The following DGKD variants were observed in gnomAD, a reference collection of about 807,000 sequenced individuals.
DGKD encodes the protein diacylglycerol kinase delta, also known as DAG kinase delta.
In DGKD, 68 loss-of-function variants were observed where a neutral mutation model predicts 154.4. The ratio of observed to expected loss-of-function variants is 0.44; its 90% confidence interval spans 0.36 to 0.54. The LOEUF (loss-of-function observed/expected upper bound fraction) is 0.54. Among genes scored for constraint, DGKD ranks in the 20% least tolerant of loss-of-function variants. The pLI, the probability that DGKD is intolerant of heterozygous loss-of-function variation, is 0.00. For synonymous variants in DGKD, 693 were observed against 638.0 expected (o/e 1.09, Z -1.30); for missense variants, 1,343 against 1,593.6 (o/e 0.84, Z 2.68).
Position 233,448,384 on chromosome 2 carries a change from C to T in DGKD, c.1614+9C>T. ...AGGTCATGGCCAAGAAGGTCTGTTC[C>T]CGTGCCCTGGGTGGGAGGGGCATTG... On this transcript the variant is annotated intron_variant, in intron 14 of 29. Transcript: ENST00000264057. 1 of 1,612,160 alleles carries T rather than the reference C, an allele frequency of 6.2e-7. No homozygotes were observed. Among genetic ancestry groups the T allele is most frequent in the Non-Finnish European group, 8.5e-7 (1 of 1,178,674 alleles).
chr2:233,425,350 C>G (rs184457728), intron 3 of DGKD, among the ~76,000 whole-genome samples: 19 of 152,120 alleles, frequency 1.2e-4, no homozygotes, highest in Non-Finnish European at 2.6e-4. Flanking sequence ...CCACGCCTGG[C>G]TAATTTTTTT....
intron 3 of DGKD, chr2:233,392,242 C>T (rs558306118): frequency 6.6e-6 from 1 of 152,258 alleles, no homozygotes; most frequent in African/African-American, 2.4e-5. Flanking sequence ...CCAGGCTGGT[C>T]TCAAACTCCT....
At chr2:233,366,529 A>G (rs1027827514) in intron 1 of DGKD, among the ~76,000 whole-genome samples, 12 of 151,882 alleles carry the variant, frequency 7.9e-5, no homozygotes, top group African/African-American at 2.4e-4. Context: ...AGCTTTGGGG[A>G]TTTTGCTGTT....
rs1158558625 is a variant in DGKD at position 233,445,892 on chromosome 2, A to G, written c.1334+130A>G. 1.1e-5 allele frequency: 13 copies of G among 1,199,936 alleles called. No individual in the cohort carries two copies. 74.3% of individuals were successfully genotyped at this position (1,199,936 alleles called of 1,614,324 possible). ...AAATTATTTGTAAAGATTTGACCTG[A>G]GTATATATTCGGATAGTCTTTGATA... On this transcript the variant is annotated intron_variant, in intron 11 of 29. Coordinates refer to ENST00000264057, the MANE Select transcript of DGKD (RefSeq NM_152879.3). The surrounding 1 kb of genome is among the most constrained non-coding windows in gnomAD (Gnocchi z 5.5).
At chr2:233,379,225 C>G (rs772116094) in intron 1 of DGKD, among the ~76,000 whole-genome samples, 1 of 151,906 alleles carries the variant, frequency 6.6e-6, no homozygotes, top group Non-Finnish European at 1.5e-5. Flanking sequence ...GAAGACTTCC[C>G]GAAGGTGGTG....
At chr2:233,368,498 C>T (rs531986114) in intron 1 of DGKD, among the ~76,000 whole-genome samples, 4 of 152,092 alleles carry the variant, frequency 2.6e-5, no homozygotes, top group East Asian at 3.9e-4. Flanking sequence ...GGCGACAGAG[C>T]GAGACTCCAT....
intron 1 of DGKD, among the ~76,000 whole-genome samples, chr2:233,369,248 G>A (rs1702192242): frequency 1.3e-5 from 2 of 152,040 alleles, no homozygotes; most frequent in Admixed American, 1.3e-4. Context: ...CAGCATTCTG[G>A]GGGCCTCAGT....
intron 1 of DGKD, among the ~76,000 whole-genome samples, chr2:233,385,134 TC>T (rs1401515597): frequency 5.3e-5 from 8 of 152,276 alleles, no homozygotes; most frequent in Admixed American, 3.3e-4. Context: ...TTCTGGACTT[TC>T]CCTGCCTCCT....
chr2:233,360,984 GTTTTT>G (rs10580286), intron 1 of DGKD, among the ~76,000 whole-genome samples: 1 of 129,098 alleles, frequency 7.7e-6, no homozygotes, highest in African/African-American at 3.2e-5. Context: ...AGACAGTCAA[GTTTTT>G]TTTTTTTTTT....
chr2:233,418,494 C>G (rs866804946), intron 3 of DGKD, among the ~76,000 whole-genome samples: 9 of 152,180 alleles, frequency 5.9e-5, no homozygotes, highest in African/African-American at 2.2e-4. Context: ...TTAAGTAGAA[C>G]TTTCACTTTT....
At chr2:233,450,827 T>G in intron 16 of DGKD, 95 bp from the exon 17 acceptor site, 1 of 1,502,282 alleles carries the variant, frequency 6.7e-7, no homozygotes, top group South Asian at 1.3e-5. Context: ...CCCTCCCTCC[T>G]CAGCCCTCCC....
rs1553617629 is a variant in DGKD, at chr2:233,354,560, A to ACCG, written c.45_47dup (p.Pro21dup). ...GCGCCCCTCCGCCGGGTCCCCCGCA[A>ACCG]CCGCCTCCGCCGCCGCCGCCCGAGG... On this transcript the variant is annotated inframe_insertion, in exon 1 of 30. Transcript: ENST00000264057. This position sits in a 1 kb window ranked among gnomAD's most constrained non-coding sequence, Gnocchi z 4.8. The ACCG allele has an allele frequency of 3.8e-6, 4 of 1,049,768 alleles. No individual in the cohort carries two copies. The highest frequency in any genetic ancestry group is 1.7e-5 in the African/African-American group (1 of 57,214). 65.0% of individuals were successfully genotyped at this position (1,049,768 alleles called of 1,614,324 possible). A position where few individuals can be genotyped will look rare whatever the true frequency, so the allele number is the denominator to read the frequency against.
chr2:233,420,935 C>G (rs1575084959), intron 3 of DGKD, among the ~76,000 whole-genome samples: 1 of 152,188 alleles, frequency 6.6e-6, no homozygotes, highest in Non-Finnish European at 1.5e-5. Context: ...AAGAGTTTCT[C>G]TAGAATGTGT....
intron 2 of DGKD, chr2:233,388,724 T>G (rs1387397689): frequency 1.3e-5 from 2 of 157,640 alleles, no homozygotes; most frequent in Admixed American, 6.6e-5. Context: ...TTTTATTCTT[T>G]AAGTATATTG....
At chr2:233,435,730 G>C (rs1655113110) in intron 5 of DGKD, 88 bp from the exon 6 acceptor site, 1 of 1,255,584 alleles carries the variant, frequency 8.0e-7, no homozygotes, top group Admixed American at 2.8e-5. Context: ...GACTTTTCTG[G>C]AGCTGGACGG....
intron 1 of DGKD, among the ~76,000 whole-genome samples, chr2:233,381,543 A>G (rs1401092730): frequency 6.6e-6 from 1 of 152,210 alleles, no homozygotes; most frequent in African/African-American, 2.4e-5. Flanking sequence ...CACCACTTTC[A>G]AAATTGGTGT....
chr2:233,447,375 C>A, intron 12 of DGKD: 1 of 593,620 alleles, frequency 1.7e-6, no homozygotes, highest in Non-Finnish European at 2.1e-6. Flanking sequence ...TGGTGCAGTG[C>A]TGGGTGGGGT....
At chr2:233,426,462 G>A (rs1177351150) in intron 3 of DGKD, among the ~76,000 whole-genome samples, 2 of 152,044 alleles carry the variant, frequency 1.3e-5, no homozygotes, top group Non-Finnish European at 2.9e-5. Flanking sequence ...CCTCCTGTGT[G>A]CCCCTCCTGT....
chr2:233,370,574 T>TTTG, intron 1 of DGKD, among the ~76,000 whole-genome samples: 3 of 143,644 alleles, frequency 2.1e-5, no homozygotes, highest in African/African-American at 7.5e-5. Context: ...CTTCTTCTTT[T>TTTG]TTTTTTTTTT....
Sources: gnomAD v4.1 joint callset for allele counts (sites outside exome capture counted in the v4.1 genomes callset) on GRCh38, gnomAD v4.1.1 for gene constraint, Gnocchi (gnomAD v3.1) non-coding constraint, MANE v1.5 for transcripts, NCBI Gene and HGNC (gene_info 2026-07-23, HGNC 2026-07-21) for gene names.